NYAP2: variants seen among roughly 807,000 people sequenced by gnomAD.
NYAP2 encodes the protein neuronal tyrosine-phosphorylated phosphoinositide-3-kinase adapter 2.
In NYAP2, 23 loss-of-function variants were observed where a neutral mutation model predicts 50.4. That is an observed-to-expected ratio of 0.46 (90% CI 0.33 to 0.65). The LOEUF is 0.65. NYAP2 is among the 30% of genes least tolerant of loss of function. NYAP2 has a pLI of 0.02. For missense variants in NYAP2, 885 were observed against 861.0 expected (o/e 1.03, Z -0.35); for synonymous variants, 394 against 365.2 (o/e 1.08, Z -0.90).
intron 3 of NYAP2, among the ~76,000 whole-genome samples, chr2:225,493,016 T>C (rs1303586053): frequency 6.6e-6 from 1 of 151,710 alleles, no homozygotes; most frequent in Non-Finnish European, 1.5e-5. Flanking sequence ...AGACAGGGTC[T>C]CACTGTGTCA....
chr2:225,496,347 G>C (rs1327647457), intron 3 of NYAP2, among the ~76,000 whole-genome samples: 1 of 152,150 alleles, frequency 6.6e-6, no homozygotes, highest in Non-Finnish European at 1.5e-5. Flanking sequence ...TTTCAAGAAA[G>C]TGTGTGGCCA....
chr2:225,436,965 G>A (rs1029629706), intron 3 of NYAP2, among the ~76,000 whole-genome samples: 6 of 151,988 alleles, frequency 3.9e-5, no homozygotes, highest in African/African-American at 1.5e-4. Context: ...ACCAGGGCAA[G>A]GCTTGGCTTG....
At chr2:225,689,114 G>A in the NYAP2 span, among the ~76,000 whole-genome samples, 1 of 152,122 alleles carries the variant, frequency 6.6e-6, no homozygotes, top group Non-Finnish European at 1.5e-5. Flanking sequence ...CTTGAAATAA[G>A]CTATTAATTG....
chr2:225,483,209 A>AAAT (rs1257648748), intron 3 of NYAP2, among the ~76,000 whole-genome samples: 1 of 152,130 alleles, frequency 6.6e-6, no homozygotes, highest in Non-Finnish European at 1.5e-5. Context: ...TCCTTTCACA[A>AAAT]AATAATAATA....
the NYAP2 span, among the ~76,000 whole-genome samples, chr2:225,660,303 G>A: frequency 1.2e-4 from 19 of 152,132 alleles, no homozygotes; most frequent in South Asian, 1.0e-3. Context: ...TTTCAGAACT[G>A]TCAGCTCTCC....
At chr2:225,648,864 C>CG (rs1280717800) in intron 6 of NYAP2, among the ~76,000 whole-genome samples, 3 of 152,154 alleles carry the variant, frequency 2.0e-5, no homozygotes, top group Non-Finnish European at 4.4e-5. Flanking sequence ...AAAACATTAT[C>CG]TTTGAAACCA....
At chr2:225,456,557 T>C (rs995028092) in intron 3 of NYAP2, among the ~76,000 whole-genome samples, 1 of 152,194 alleles carries the variant, frequency 6.6e-6, no homozygotes, top group Non-Finnish European at 1.5e-5. Flanking sequence ...TTCTCTCTTA[T>C]AGACTGAGGG....
chr2:225,649,126 T>A (rs1291390647), intron 6 of NYAP2, among the ~76,000 whole-genome samples: 2 of 152,030 alleles, frequency 1.3e-5, no homozygotes, highest in Non-Finnish European at 2.9e-5. Flanking sequence ...GTGTAGGGGG[T>A]GAGAGCTAGC....
chr2:225,411,706 A>T (rs774536434), intron 3 of NYAP2, among the ~76,000 whole-genome samples: 7 of 152,074 alleles, frequency 4.6e-5, no homozygotes, highest in Non-Finnish European at 1.0e-4. Context: ...GAGAGGGGAG[A>T]ACCACAAAGG....
chr2:225,556,261 A>T (rs896194115), intron 4 of NYAP2, among the ~76,000 whole-genome samples: 10 of 152,208 alleles, frequency 6.6e-5, no homozygotes, highest in African/African-American at 2.2e-4. Flanking sequence ...AATCCTGCAC[A>T]TATACGATAT....
chr2:225,678,667 G>A, the NYAP2 span, among the ~76,000 whole-genome samples: 1 of 151,974 alleles, frequency 6.6e-6, no homozygotes. Context: ...TTTCTTTCTT[G>A]GACGTTACAT....
At chr2:225,687,290 G>A in the NYAP2 span, among the ~76,000 whole-genome samples, 38 of 152,098 alleles carry the variant, frequency 2.5e-4, no homozygotes, top group Non-Finnish European at 4.3e-4. Flanking sequence ...CCTGGAACAT[G>A]GTTATGTGCA....
intron 3 of NYAP2, among the ~76,000 whole-genome samples, chr2:225,417,596 G>T (rs1470867585): frequency 6.6e-6 from 1 of 152,030 alleles, no homozygotes; most frequent in African/African-American, 2.4e-5. Flanking sequence ...AAATAAAAAA[G>T]AAGTATTTAA....
chr2:225,601,279 A>G (rs1574703035), intron 5 of NYAP2, among the ~76,000 whole-genome samples: 1 of 151,776 alleles, frequency 6.6e-6, no homozygotes, highest in African/African-American at 2.4e-5. Flanking sequence ...TGCCACCACG[A>G]CCAGCTAATT....
intron 6 of NYAP2, among the ~76,000 whole-genome samples, chr2:225,650,324 C>A (rs542694019): frequency 6.6e-6 from 1 of 152,228 alleles, no homozygotes; most frequent in Non-Finnish European, 1.5e-5. Context: ...AACACATTTT[C>A]TTTTCTTCCA....
chr2:225,564,893 A>G (rs1463325203), intron 4 of NYAP2, among the ~76,000 whole-genome samples: 2 of 151,992 alleles, frequency 1.3e-5, no homozygotes, highest in Admixed American at 6.6e-5. Flanking sequence ...ACTGTGGGAG[A>G]CCAAGGCAGG....
the NYAP2 span, among the ~76,000 whole-genome samples, chr2:225,659,390 A>T: frequency 6.6e-6 from 1 of 152,166 alleles, no homozygotes; most frequent in Non-Finnish European, 1.5e-5. Flanking sequence ...TGTGCTTACC[A>T]TGTGCCAGGA....
intron 3 of NYAP2, among the ~76,000 whole-genome samples, chr2:225,466,161 C>A (rs1170668725): frequency 6.6e-6 from 1 of 152,222 alleles, no homozygotes; most frequent in African/African-American, 2.4e-5. Flanking sequence ...ACATACACAA[C>A]ATTTTCTGAA....
chr2:225,701,267 T>C, the NYAP2 span: 1 of 151,788 alleles, frequency 6.6e-6, no homozygotes, highest in African/African-American at 2.4e-5. Flanking sequence ...ATATATTAAT[T>C]TGGTCAGAAT....
Sources: gnomAD v4.1 joint callset for allele counts (sites outside exome capture counted in the v4.1 genomes callset) on GRCh38, gnomAD v4.1.1 for gene constraint, MANE v1.5 for transcripts, NCBI Gene and HGNC (gene_info 2026-07-23, HGNC 2026-07-21) for gene names.